The following SLC22A25 variants were observed in gnomAD, a reference collection of about 807,000 sequenced individuals.
SLC22A25 encodes the protein solute carrier family 22 member 25, also known as MGI:2442751, MGI:2385316, MGI:3042283, MGI:3645714, MGI:3605624, MGI:2442750.
In SLC22A25, 44 loss-of-function variants were observed where a neutral mutation model predicts 45.9. The observed-to-expected ratio is 0.96, with a 90% CI of 0.75 to 1.23. SLC22A25 has a LOEUF of 1.23. Among genes scored for constraint, SLC22A25 ranks in the 50% most tolerant of loss-of-function variants. The pLI is 0.00. For synonymous variants in SLC22A25, 283 were observed against 238.6 expected, an observed-to-expected ratio of 1.19 and a Z score of -1.72; for missense variants, 800 against 666.4, an observed-to-expected ratio of 1.20 and a Z score of -2.21.
At chr11:63,197,284 G>A (rs2089074856) in intron 7 of SLC22A25, among the ~76,000 whole-genome samples, 1 of 152,080 alleles carries the variant, frequency 6.6e-6, no homozygotes, top group East Asian at 1.9e-4. Flanking sequence ...CCAAAAAAGA[G>A]CCCACATTGC....
chr11:63,178,183 G>A (rs752575351), intron 9 of SLC22A25, among the ~76,000 whole-genome samples: 12 of 151,722 alleles, frequency 7.9e-5, no homozygotes, highest in Non-Finnish European at 1.5e-4. Flanking sequence ...GGGCCACCAC[G>A]CCCTGCCAAT....
chr11:63,184,754 C>T (rs1342377713), intron 7 of SLC22A25, among the ~76,000 whole-genome samples: 4 of 152,108 alleles, frequency 2.6e-5, no homozygotes, highest in African/African-American at 9.7e-5. Flanking sequence ...AGGATATCTA[C>T]TCAAATATTT....
In SLC22A25 at chr11:63,158,578, A is replaced by G. The variant is rs1301203424; in HGVS notation, c.*5246T>C. 6.6e-6 allele frequency among the ~76,000 whole-genome samples: 1 copy of G among 152,118 alleles called. No individual in the cohort carries two copies. The highest frequency in any genetic ancestry group is 1.5e-5 in the Non-Finnish European group (1 of 68,020). On this transcript the variant is annotated 3_prime_UTR_variant, in exon 12 of 12. Transcript: ENST00000306494. ...GAATGGGGTATCCATCTTCTCAGTC[A>G]TTTATCCTTTGTGTTACAAACAATC...
chr11:63,164,187 A>G, intron 11 of SLC22A25, 114 bp from the exon 12 acceptor site: 2 of 1,367,008 alleles, frequency 1.5e-6, no homozygotes, highest in African/African-American at 1.5e-5. Context: ...AGGTGATAAC[A>G]TACTCTTGCT....
At chr11:63,190,537 C>T (rs1590828024) in intron 7 of SLC22A25, among the ~76,000 whole-genome samples, 1 of 152,308 alleles carries the variant, frequency 6.6e-6, no homozygotes, top group Middle Eastern at 3.4e-3. Flanking sequence ...AAGCCTTCTT[C>T]TCTCAGCTCG....
At position 63,164,548 on chromosome 11, in the gene SLC22A25, C is replaced by A; in HGVS notation, c.1372G>T (p.Glu458Ter). Reference sequence around the variant, plus strand: ...TACCTGATTATGGAAGGAATTAGTTCATTTTCTTGGGCAGTAGAACAGGTA... The same window carrying A: ...TACCTGATTATGGAAGGAATTAGTTAATTTTCTTGGGCAGTAGAACAGGTA... ...GITCSTAQEN[E>*]LIPSIIRGRA... Residue 458 changes from glutamate (E) to a stop codon, truncating the protein, a stop_gained, in exon 11 of 12, where the codon GAA (glutamate) becomes TAA (stop). Transcript: ENST00000306494. LOFTEE classifies it low-confidence loss of function (END_TRUNC). The A allele has an allele frequency of 6.2e-7, 1 of 1,613,718 alleles. No individual in the cohort carries two copies. The highest frequency in any genetic ancestry group is 8.5e-7 in the Non-Finnish European group (1 of 1,179,768).
At chr11:63,169,779 C>T (rs1345524493) in intron 9 of SLC22A25, among the ~76,000 whole-genome samples, 1 of 152,140 alleles carries the variant, frequency 6.6e-6, no homozygotes, top group African/African-American at 2.4e-5. Flanking sequence ...CAAGGATATT[C>T]AGGACTTGAA....
chr11:63,180,853 A>G, intron 8 of SLC22A25, 78 bp from the exon 9 acceptor site: 2 of 927,736 alleles, frequency 2.2e-6, no homozygotes, highest in Non-Finnish European at 3.4e-6. Flanking sequence ...GTCAACCAAC[A>G]GATGACAAGA....
chr11:63,215,918 TC>T (rs2089697573), intron 7 of SLC22A25, among the ~76,000 whole-genome samples: 1 of 152,190 alleles, frequency 6.6e-6, no homozygotes, highest in African/African-American at 2.4e-5. Flanking sequence ...ACCCTCCAGC[TC>T]CATCCATGTT....
chr11:63,203,655 A>G (rs2089313899), intron 7 of SLC22A25, among the ~76,000 whole-genome samples: 2 of 152,168 alleles, frequency 1.3e-5, no homozygotes, highest in Admixed American at 1.3e-4. Flanking sequence ...ATATAGGACT[A>G]TGTGAAAAGA....
At chr11:63,170,264 T>A (rs535146757) in intron 9 of SLC22A25, among the ~76,000 whole-genome samples, 6 of 151,518 alleles carry the variant, frequency 4.0e-5, no homozygotes, top group African/African-American at 1.2e-4. Context: ...ACTAGAGAAG[T>A]AAGAGTGAAC....
At chr11:63,185,580 A>G (rs2088502200) in intron 7 of SLC22A25, among the ~76,000 whole-genome samples, 2 of 148,906 alleles carry the variant, frequency 1.3e-5, no homozygotes, top group South Asian at 4.2e-4. Context: ...TTTAGGGTAC[A>G]TGTGCACATT....
At chr11:63,233,198 A>C (rs1169576076) in intron 3 of SLC22A25, among the ~76,000 whole-genome samples, 1 of 152,052 alleles carries the variant, frequency 6.6e-6, no homozygotes. Flanking sequence ...GTAGTACTTT[A>C]AGAAGGAATG....
chr11:63,173,982 A>G (rs2087990841), intron 9 of SLC22A25, among the ~76,000 whole-genome samples: 1 of 150,578 alleles, frequency 6.6e-6, no homozygotes, highest in African/African-American at 2.4e-5. Context: ...TACAAGTGCC[A>G]TGGTGGTTTG....
intron 7 of SLC22A25, among the ~76,000 whole-genome samples, chr11:63,199,372 A>G (rs1162194865): frequency 6.6e-6 from 1 of 152,186 alleles, no homozygotes; most frequent in East Asian, 1.9e-4. Context: ...GAATCCCCGA[A>G]CAGACCAATA....
chr11:63,237,212 G>C (rs1392063995), intron 3 of SLC22A25, among the ~76,000 whole-genome samples: 1 of 152,106 alleles, frequency 6.6e-6, no homozygotes, highest in South Asian at 2.1e-4. Flanking sequence ...AGGGAGGAAA[G>C]GTATAGGTTG....
chr11:63,203,827 G>A (rs139830501), intron 7 of SLC22A25, among the ~76,000 whole-genome samples: 2 of 152,064 alleles, frequency 1.3e-5, no homozygotes, highest in African/African-American at 2.4e-5. Flanking sequence ...GATACTCCTC[G>A]AGAAGAGCAA....
chr11:63,226,793 T>C (rs567736451), intron 5 of SLC22A25, among the ~76,000 whole-genome samples: 6 of 152,186 alleles, frequency 3.9e-5, no homozygotes, highest in African/African-American at 1.4e-4. Flanking sequence ...GGGCTTGGAG[T>C]TGGAAACCTT....
intron 7 of SLC22A25, among the ~76,000 whole-genome samples, chr11:63,206,560 C>G (rs2089409340): frequency 6.6e-6 from 1 of 152,052 alleles, no homozygotes. Context: ...AATAAAATAC[C>G]TAGGAATAGA....
Sources: gnomAD v4.1 joint callset for allele counts (sites outside exome capture counted in the v4.1 genomes callset) on GRCh38, gnomAD v4.1.1 for gene constraint, MANE v1.5 for transcripts, NCBI Gene and HGNC (gene_info 2026-07-23, HGNC 2026-07-21) for gene names.